Variants in HNF1B observed in about 807,000 individuals in gnomAD.
HNF1B encodes the protein hepatocyte nuclear factor 1-beta.
Under a neutral mutation model 61.7 loss-of-function variants are expected in HNF1B, and 8 were observed. The ratio of observed to expected loss-of-function variants is 0.13; its 90% CI spans 0.08 to 0.23. The LOEUF is 0.23. Ranked by LOEUF, HNF1B falls within the 10% of genes least tolerant of loss-of-function variation. The pLI is 1.00. For missense variants in HNF1B, 562 were observed against 714.5 expected (o/e 0.79, Z 2.43); for synonymous variants, 314 against 287.7 (o/e 1.09, Z -0.93).
chr17:37,713,372 A>G (rs937949273), intron 4 of HNF1B, among the ~76,000 whole-genome samples: 3 of 152,248 alleles, frequency 2.0e-5, no homozygotes, highest in Non-Finnish European at 4.4e-5. Context: ...ATAATTAACC[A>G]AGGATTTCCG....
At chr17:37,707,592 T>G (rs915165549) in intron 5 of HNF1B, among the ~76,000 whole-genome samples, 1 of 152,194 alleles carries the variant, frequency 6.6e-6, no homozygotes, top group African/African-American at 2.4e-5. Context: ...GTTGGTATTA[T>G]TATCCCTATT....
Position 37,723,166 on chromosome 17 carries a change from C to T in HNF1B, c.1045+8429G>A, listed in dbSNP as rs189696137. Among the ~76,000 whole-genome samples the T allele has an allele frequency of 1.0e-3, 152 of 150,388 alleles. 1 individual carries two copies. Among genetic ancestry groups the T allele is most frequent in the African/African-American group, 3.2e-3 (131 of 40,444 alleles). ...CATCCTGGCTAACACGGTGAAACCC[C>T]GTCTCTACTAAAAAAAAAAAAATAC... On this transcript the variant is annotated intron_variant, in intron 4 of 8. Transcript: ENST00000617811.
At chr17:37,693,643 G>A (rs1361753680) in intron 8 of HNF1B, among the ~76,000 whole-genome samples, 4 of 152,172 alleles carry the variant, frequency 2.6e-5, no homozygotes, top group African/African-American at 9.7e-5. Flanking sequence ...CAACATATTT[G>A]ACCAAGAAAT....
chr17:37,738,390 C>CA (rs1333987345), intron 2 of HNF1B, among the ~76,000 whole-genome samples: 1 of 152,190 alleles, frequency 6.6e-6, no homozygotes, highest in African/African-American at 2.4e-5. Context: ...ACAATCACTT[C>CA]AGAGCAGTGT....
intron 4 of HNF1B, among the ~76,000 whole-genome samples, chr17:37,710,955 A>T (rs1263909031): frequency 6.6e-6 from 1 of 152,240 alleles, no homozygotes; most frequent in Admixed American, 6.5e-5. Context: ...TAAACTTCTG[A>T]TGAATAAATG....
At chr17:37,737,438 T>C (rs892399459) in intron 2 of HNF1B, among the ~76,000 whole-genome samples, 4 of 152,228 alleles carry the variant, frequency 2.6e-5, no homozygotes, top group Non-Finnish European at 4.4e-5. Flanking sequence ...ATGTATTCCA[T>C]AGCTTAGCGT....
Position 37,733,766 on chromosome 17 carries a change from A to C in HNF1B, c.600T>G (p.Asp200Glu), listed in dbSNP as rs199499069. 1.9e-6 allele frequency: 3 copies of C among 1,614,158 alleles called. No homozygotes were observed. The highest frequency in any genetic ancestry group is 1.6e-4 in the Middle Eastern group (1 of 6,062). The change falls in exon 3 of 9, where the codon GAT (aspartate) becomes GAG (glutamate). Residue 200 changes from aspartate to glutamate, a missense_variant. By Grantham distance (45) the Asp-to-Glu change is conservative. Coordinates refer to ENST00000617811, the MANE Select transcript of HNF1B (RefSeq NM_000458.4). ...ACTCTGGAAAGAGAAACAGCAGCTG[A>C]TCCTGACTGCTTTTGTCTGTCATAT... ...SGNMTDKSSQDQLLFLFPEFS... is the reference protein window; with the variant it reads ...SGNMTDKSSQEQLLFLFPEFS...
intron 6 of HNF1B, among the ~76,000 whole-genome samples, chr17:37,703,217 C>G (rs2032628850): frequency 6.6e-6 from 1 of 152,360 alleles, no homozygotes; most frequent in East Asian, 1.9e-4. Context: ...ATTTCTCATG[C>G]TCTGTCTACC....
chr17:37,735,417 A>G (rs1398734690), intron 2 of HNF1B, among the ~76,000 whole-genome samples: 1 of 152,162 alleles, frequency 6.6e-6, no homozygotes, highest in Non-Finnish European at 1.5e-5. Context: ...TGCAATCCCA[A>G]CTGCAGGTGG....
At position 37,697,237 on chromosome 17, in the gene HNF1B, G is replaced by A. The variant is rs953733534; in HGVS notation, c.1653+1839C>T. ...GTTCATGAGAAGTATAAACTGTAAC[G>A]TGCCACGTGAGTATTTTTCATCCTT... On this transcript the variant is annotated intron_variant, in intron 8 of 8. Coordinates refer to ENST00000617811, the MANE Select transcript of HNF1B (RefSeq NM_000458.4). Among the ~76,000 whole-genome samples, 14 of 152,304 alleles carry A rather than the reference G, an allele frequency of 9.2e-5. No individual in the cohort carries two copies. In the East Asian group the frequency reaches 2.3e-3, roughly 25 times the overall value.
chr17:37,740,277 T>G (rs2033956950), intron 1 of HNF1B, among the ~76,000 whole-genome samples: 1 of 152,128 alleles, frequency 6.6e-6, no homozygotes, highest in Non-Finnish European at 1.5e-5. Context: ...CCATTTTATT[T>G]TGCTTTCCTC....
chr17:37,713,023 G>T (rs747090648), intron 4 of HNF1B, among the ~76,000 whole-genome samples: 2 of 152,196 alleles, frequency 1.3e-5, no homozygotes, highest in Admixed American at 1.3e-4. Context: ...CTTTGCCCTG[G>T]AAGCAACCTG....
rs190992485 is a variant in HNF1B, at chr17:37,696,686, C to T, written c.1653+2390G>A. On this transcript the variant is annotated intron_variant, in intron 8 of 8. Transcript: ENST00000617811. ...TCTTTATAGCGAAGCAAACAGACAT[C>T]GCTATAAGCAATAAATCTGAACACG... Among the ~76,000 whole-genome samples the T allele has an allele frequency of 2.6e-5, 4 of 152,292 alleles. No homozygotes were observed. In the East Asian group the frequency reaches 5.8e-4, roughly 22 times the overall value.
chr17:37,732,459 C>A (rs968664579), intron 3 of HNF1B, among the ~76,000 whole-genome samples: 1 of 152,196 alleles, frequency 6.6e-6, no homozygotes, highest in Non-Finnish European at 1.5e-5. Flanking sequence ...GTATGGAGCA[C>A]AGCCTGAGGA....
chr17:37,700,580 T>C (rs576120750), intron 7 of HNF1B, among the ~76,000 whole-genome samples: 14 of 152,220 alleles, frequency 9.2e-5, no homozygotes, highest in Non-Finnish European at 1.6e-4. Context: ...ATTGTGATCA[T>C]TTGATAATGG....
At chr17:37,732,244 C>G (rs1056498240) in intron 3 of HNF1B, among the ~76,000 whole-genome samples, 1 of 152,196 alleles carries the variant, frequency 6.6e-6, no homozygotes, top group Non-Finnish European at 1.5e-5. Context: ...GAGAGGATTT[C>G]TGGTCTTTTG....
intron 3 of HNF1B, among the ~76,000 whole-genome samples, chr17:37,732,547 A>C (rs2033718196): frequency 6.6e-6 from 1 of 152,242 alleles, no homozygotes; most frequent in Non-Finnish European, 1.5e-5. Context: ...AGGCCAGCCC[A>C]GCCCAGAGAC....
At chr17:37,690,787 AG>A (rs2032174555) in intron 8 of HNF1B, among the ~76,000 whole-genome samples, 2 of 152,258 alleles carry the variant, frequency 1.3e-5, no homozygotes, top group East Asian at 3.8e-4. Context: ...GTTGAATTCA[AG>A]AGGCTTATTA....
intron 8 of HNF1B, among the ~76,000 whole-genome samples, chr17:37,690,605 C>A (rs901220903): frequency 6.6e-6 from 1 of 152,064 alleles, no homozygotes; most frequent in African/African-American, 2.4e-5. Flanking sequence ...TTCTGAGGGT[C>A]CCCTAGTAGA....
Sources: allele counts gnomAD v4.1 joint callset (sites outside exome capture counted in the v4.1 genomes callset), GRCh38; gene constraint gnomAD v4.1.1; transcripts MANE v1.5; gene names NCBI Gene and HGNC (gene_info 2026-07-23, HGNC 2026-07-21).